Variants in PRKN observed in about 807,000 individuals in gnomAD.
PRKN encodes E3 ubiquitin-protein ligase parkin.
Under a neutral mutation model 59.5 loss-of-function variants are expected in PRKN, and 56 were observed. The ratio of observed to expected loss-of-function variants is 0.94; its 90% CI spans 0.76 to 1.18. PRKN has a LOEUF of 1.18. Ranked by LOEUF, PRKN falls within the 50% of genes most tolerant of loss-of-function variation. The pLI is 0.00. For synonymous variants in PRKN, 250 were observed against 222.1 expected, an observed-to-expected ratio of 1.13 and a Z score of -1.12; for missense variants, 657 against 596.4, an observed-to-expected ratio of 1.10 and a Z score of -1.06.
chr6:162,023,866 T>C (rs1783312775), intron 5 of PRKN, among the ~76,000 whole-genome samples: 1 of 152,218 alleles, frequency 6.6e-6, no homozygotes, highest in Non-Finnish European at 1.5e-5. Flanking sequence ...AGTACTCCTG[T>C]ATTAGCATCA....
Position 161,504,451 on chromosome 6 carries a change from GT to G in PRKN, c.1083+44402del, listed in dbSNP as rs377250663. ...GGTGAACCCTGTGTTCCCCAGACCT[GT>G]ACTGACTGAGTCATGTTACAAGTCA... On this transcript the variant is annotated intron_variant, in intron 9 of 11. Transcript: ENST00000366898. 1.3e-3 allele frequency among the ~76,000 whole-genome samples: 201 copies of G among 152,298 alleles called. 1 individual carries two copies. The highest frequency in any genetic ancestry group is 4.7e-3 in the African/African-American group (195 of 41,558).
chr6:162,701,280 G>A (rs1047100273), intron 1 of PRKN, among the ~76,000 whole-genome samples: 5 of 152,042 alleles, frequency 3.3e-5, no homozygotes, highest in Non-Finnish European at 7.4e-5. Context: ...GCTTAAAAGA[G>A]ATAATGTAAC....
intron 6 of PRKN, among the ~76,000 whole-genome samples, chr6:161,957,829 G>A (rs566755159): frequency 3.7e-4 from 57 of 152,262 alleles, no homozygotes; most frequent in African/African-American, 1.2e-3. Flanking sequence ...GAGGGCTTGC[G>A]CTCAGGGGGC....
intron 7 of PRKN, among the ~76,000 whole-genome samples, chr6:161,666,586 G>T (rs925034237): frequency 6.6e-6 from 1 of 152,132 alleles, no homozygotes; most frequent in African/African-American, 2.4e-5. Context: ...TAAGAAAAAA[G>T]CCAGTGAGTC....
At position 161,538,166 on chromosome 6, in the gene PRKN, C is replaced by T. The variant is rs1414420886; in HGVS notation, c.1083+10688G>A. 6.6e-6 allele frequency among the ~76,000 whole-genome samples: 1 copy of T among 152,072 alleles called. No individual in the cohort carries two copies. Among genetic ancestry groups the T allele is most frequent in the Non-Finnish European group, 1.5e-5 (1 of 67,974 alleles). On this transcript the variant is annotated intron_variant, in intron 9 of 11. Transcript: ENST00000366898. The surrounding 1 kb of genome is among the most constrained non-coding windows in gnomAD (Gnocchi z 4.2). Reference sequence around the variant, plus strand: ...GAAGTGCAGCAATAGGCCCGCTTGACAAATTACCTCCTAGAGTGCAAGAGT... The same window carrying T: ...GAAGTGCAGCAATAGGCCCGCTTGATAAATTACCTCCTAGAGTGCAAGAGT...
chr6:161,435,117 G>A (rs1788821676), intron 9 of PRKN, among the ~76,000 whole-genome samples: 1 of 152,186 alleles, frequency 6.6e-6, no homozygotes, highest in Non-Finnish European at 1.5e-5. Flanking sequence ...GAGACAGCAT[G>A]GGAAGAAATA....
rs1020132254 is a variant in PRKN, at chr6:161,407,502, A to G, written c.1084-20625T>C. 6.6e-6 allele frequency among the ~76,000 whole-genome samples: 1 copy of G among 152,166 alleles called. No individual in the cohort carries two copies. The highest frequency in any genetic ancestry group is 1.5e-5 in the Non-Finnish European group (1 of 68,040). ...ACCAAAGAAAGAAAAGCTCCATCAT[A>G]CTACCATTGTAAACATCCACATCAA... On this transcript the variant is annotated intron_variant, in intron 9 of 11. Transcript: ENST00000366898. This position sits in a 1 kb window ranked among gnomAD's most constrained non-coding sequence, Gnocchi z 4.9.
At chr6:162,599,565 C>T (rs1013218811) in intron 1 of PRKN, among the ~76,000 whole-genome samples, 7 of 152,122 alleles carry the variant, frequency 4.6e-5, no homozygotes, top group African/African-American at 1.4e-4. Flanking sequence ...GAGGCAAACT[C>T]GAAAGCATGC....
chr6:161,677,272 T>C (rs534304536), intron 7 of PRKN, among the ~76,000 whole-genome samples: 4 of 149,534 alleles, frequency 2.7e-5, no homozygotes, highest in African/African-American at 9.8e-5. Flanking sequence ...AATGAAATCT[T>C]AGCCTTGGAG....
Position 161,593,812 on chromosome 6 carries a change from C to T in PRKN, c.872-24396G>A, listed in dbSNP as rs1452570363. ...AGTGTTTGGAGAGTAGAGAGTGACA[C>T]ACCAAGTCATGATGCTCAGGGGTCA... is the stretch of plus-strand genomic sequence containing the variant. On this transcript the variant is annotated intron_variant, in intron 7 of 11. Coordinates refer to ENST00000366898, the MANE Select transcript of PRKN (RefSeq NM_004562.3). This position sits in a 1 kb window ranked among gnomAD's most constrained non-coding sequence, Gnocchi z 4.8. Among the ~76,000 whole-genome samples, 1 of 152,060 alleles carries T rather than the reference C, an allele frequency of 6.6e-6. No individual in the cohort carries two copies. The highest frequency in any genetic ancestry group is 2.4e-5 in the African/African-American group (1 of 41,396).
At chr6:162,719,997 CA>C (rs1324863564) in intron 1 of PRKN, among the ~76,000 whole-genome samples, 24 of 152,020 alleles carry the variant, frequency 1.6e-4, no homozygotes, top group African/African-American at 5.5e-4. Flanking sequence ...GAGCAAGTTT[CA>C]GGTGTCTACT....
Position 161,363,639 on chromosome 6 carries a change from T to C in PRKN, c.1168-3434A>G, listed in dbSNP as rs1785070746. 6.6e-6 allele frequency among the ~76,000 whole-genome samples: 1 copy of C among 151,876 alleles called. No homozygotes were observed. Among genetic ancestry groups the C allele is most frequent in the African/African-American group, 2.4e-5 (1 of 41,334 alleles). The stretch of plus-strand genomic sequence containing the variant: ...AGAGAGAAACAGTGTTTGGAGAGAG[T>C]GGCAAAAAAACACACAAATTATCTA... On this transcript the variant is annotated intron_variant, in intron 10 of 11. Transcript: ENST00000366898. The surrounding 1 kb of genome is among the most constrained non-coding windows in gnomAD (Gnocchi z 4.1).
At chr6:161,899,775 T>C (rs1777813105) in intron 6 of PRKN, among the ~76,000 whole-genome samples, 1 of 152,220 alleles carries the variant, frequency 6.6e-6, no homozygotes, top group Admixed American at 6.5e-5. Context: ...CCATACGTTG[T>C]ACTATGTGTG....
chr6:161,838,413 T>G (rs1792848747), intron 6 of PRKN, among the ~76,000 whole-genome samples: 1 of 152,138 alleles, frequency 6.6e-6, no homozygotes, highest in African/African-American at 2.4e-5. Context: ...AAGTCCCCCC[T>G]CCATCACTGC....
intron 1 of PRKN, among the ~76,000 whole-genome samples, chr6:162,493,820 GAGA>G (rs1792931179): frequency 6.6e-6 from 1 of 152,246 alleles, no homozygotes; most frequent in African/African-American, 2.4e-5. Flanking sequence ...AATAAAGATG[GAGA>G]AGAAGGGGCT....
chr6:161,771,392 TA>T (rs1210976102), intron 7 of PRKN, among the ~76,000 whole-genome samples: 14 of 124,402 alleles, frequency 1.1e-4, no homozygotes, highest in African/African-American at 3.1e-4. Flanking sequence ...TAAAATAAAA[TA>T]AAATAAAAGC....
chr6:161,909,278 G>A (rs897692053), intron 6 of PRKN, among the ~76,000 whole-genome samples: 2 of 152,112 alleles, frequency 1.3e-5, no homozygotes, highest in Middle Eastern at 3.2e-3. Flanking sequence ...TTTAAATTCA[G>A]TAAACACATT....
intron 7 of PRKN, among the ~76,000 whole-genome samples, chr6:161,666,074 C>T (rs991451451): frequency 6.6e-6 from 1 of 152,188 alleles, no homozygotes; most frequent in Non-Finnish European, 1.5e-5. Flanking sequence ...TGGGCAGTCC[C>T]GTGAGCCTCT....
intron 9 of PRKN, among the ~76,000 whole-genome samples, chr6:161,501,639 A>G (rs1190132157): frequency 6.6e-6 from 1 of 152,022 alleles, no homozygotes; most frequent in Non-Finnish European, 1.5e-5. Context: ...CCAGATGTTC[A>G]AGTGGTTGTT....
Sources: gnomAD v4.1 joint callset for allele counts (sites outside exome capture counted in the v4.1 genomes callset) on GRCh38, gnomAD v4.1.1 for gene constraint, Gnocchi (gnomAD v3.1) non-coding constraint, MANE v1.5 for transcripts, NCBI Gene and HGNC (gene_info 2026-07-23, HGNC 2026-07-21) for gene names.